Variants in TMC1 observed in about 807,000 individuals in gnomAD.
TMC1 encodes the protein transmembrane channel-like protein 1.
In TMC1, 84 loss-of-function variants were observed where a neutral mutation model predicts 105.8. The ratio of observed to expected loss-of-function variants is 0.79; its 90% CI spans 0.67 to 0.95. The LOEUF (loss-of-function observed/expected upper bound fraction) is 0.95. TMC1 is among the 40% of genes least tolerant of loss of function. TMC1 has a pLI of 0.00. For synonymous variants in TMC1, 315 were observed against 311.5 expected (o/e 1.01, Z -0.12); for missense variants, 817 against 914.1 (o/e 0.89, Z 1.37).
At chr9:72,656,195 C>T in intron 5 of TMC1, 1 of 543,908 alleles carries the variant, frequency 1.8e-6, no homozygotes, top group Non-Finnish European at 3.5e-6. Context: ...AAAGCCATCA[C>T]TGCTGCGCGG....
chr9:72,526,865 CTCT>C (rs1189726524), intron 1 of TMC1, among the ~76,000 whole-genome samples: 1 of 152,240 alleles, frequency 6.6e-6, no homozygotes, highest in African/African-American at 2.4e-5. Flanking sequence ...CCATGAGGAA[CTCT>C]TCCTTCCAGA....
At chr9:72,770,023 A>G (rs1297996036) in intron 12 of TMC1, among the ~76,000 whole-genome samples, 1 of 152,190 alleles carries the variant, frequency 6.6e-6, no homozygotes, top group African/African-American at 2.4e-5. Context: ...TTAACTAGAT[A>G]AATGTGAAAC....
intron 4 of TMC1, among the ~76,000 whole-genome samples, chr9:72,630,610 T>A (rs1825433436): frequency 6.6e-6 from 1 of 152,214 alleles, no homozygotes; most frequent in South Asian, 2.1e-4. Context: ...ACATTCCAGA[T>A]GCATTTAATA....
chr9:72,587,228 G>A (rs867889675), intron 2 of TMC1, among the ~76,000 whole-genome samples: 59 of 151,144 alleles, frequency 3.9e-4, no homozygotes, highest in African/African-American at 1.4e-3. Flanking sequence ...GCTTGATCTC[G>A]ACTCACTGCA....
At chr9:72,801,881 T>A (rs1273147931) in intron 17 of TMC1, among the ~76,000 whole-genome samples, 1 of 152,226 alleles carries the variant, frequency 6.6e-6, no homozygotes, top group African/African-American at 2.4e-5. Context: ...TGTTTGAATC[T>A]TCTTCAGATA....
rs140065699 is a variant in TMC1 at position 72,658,824 on chromosome 9, G to A, written c.16+10160G>A. On this transcript the variant is annotated intron_variant, in intron 5 of 23. Transcript: ENST00000297784. ...TGCTGGGGTGTTACAAAAGGCCTTCGGGAAAATACGTAATCTAAGTCAATA... is the reference window on the plus strand; with the variant it reads ...TGCTGGGGTGTTACAAAAGGCCTTCAGGAAAATACGTAATCTAAGTCAATA... Among the ~76,000 whole-genome samples the A allele has an allele frequency of 3.8e-4, 58 of 152,280 alleles. No homozygotes were observed. The East Asian group carries it at 4.3e-3, about 11-fold the overall frequency.
intron 18 of TMC1, among the ~76,000 whole-genome samples, chr9:72,814,122 T>C (rs1281685661): frequency 6.6e-6 from 1 of 152,142 alleles, no homozygotes; most frequent in Non-Finnish European, 1.5e-5. Context: ...TTCTCCACGT[T>C]CAGTAGTTTG....
intron 2 of TMC1, among the ~76,000 whole-genome samples, chr9:72,606,888 G>T (rs561310684): frequency 6.6e-6 from 1 of 151,950 alleles, no homozygotes; most frequent in African/African-American, 2.4e-5. Context: ...TATGTCAAAT[G>T]GGAGAAACAA....
At chr9:72,715,723 G>A (rs1826905690) in intron 8 of TMC1, among the ~76,000 whole-genome samples, 1 of 141,816 alleles carries the variant, frequency 7.1e-6, no homozygotes, top group East Asian at 2.4e-4. Context: ...TTAGCTCGGA[G>A]GAGTTTGTTA....
At chr9:72,817,482 C>T (rs1442139935) in intron 19 of TMC1, among the ~76,000 whole-genome samples, 1 of 152,086 alleles carries the variant, frequency 6.6e-6, no homozygotes, top group Non-Finnish European at 1.5e-5. Context: ...CTTTCATTTC[C>T]TGGAGTTCAA....
chr9:72,615,746 C>G (rs1379085638), intron 2 of TMC1, among the ~76,000 whole-genome samples: 2 of 148,422 alleles, frequency 1.3e-5, no homozygotes, highest in African/African-American at 5.1e-5. Context: ...GCTTTGACAC[C>G]TTTCTTATTT....
intron 1 of TMC1, among the ~76,000 whole-genome samples, chr9:72,564,357 A>C (rs959059185): frequency 6.6e-6 from 1 of 152,190 alleles, no homozygotes; most frequent in Non-Finnish European, 1.5e-5. Flanking sequence ...CTTTTGCCTT[A>C]TTCATCTAAT....
chr9:72,625,405 G>A lies in TMC1; in HGVS notation c.-195-2516G>A, dbSNP rs560083242. ...TGGGGGAAGGTTTAAGGAATCAGGG[G>A]TGGCCAGGCACGGTGGCTCACGCCT... On this transcript the variant is annotated intron_variant, in intron 3 of 23. Coordinates refer to ENST00000297784, the MANE Select transcript of TMC1 (RefSeq NM_138691.3). Among the ~76,000 whole-genome samples, 5 of 152,134 alleles carry A rather than the reference G, an allele frequency of 3.3e-5. No individual in the cohort carries two copies. The East Asian group carries it at 7.7e-4, about 24-fold the overall frequency.
chr9:72,628,570 A>G (rs1488795736), intron 4 of TMC1, among the ~76,000 whole-genome samples: 3 of 152,236 alleles, frequency 2.0e-5, no homozygotes, highest in South Asian at 2.1e-4. Flanking sequence ...GGCAGATTTC[A>G]TATGCTTCTT....
At chr9:72,757,132 A>C (rs1827687333) in intron 12 of TMC1, among the ~76,000 whole-genome samples, 1 of 152,196 alleles carries the variant, frequency 6.6e-6, no homozygotes, top group Admixed American at 6.5e-5. Context: ...AATATAAGAA[A>C]GCCATTACAC....
At chr9:72,555,630 T>A (rs1054087100) in intron 1 of TMC1, among the ~76,000 whole-genome samples, 2 of 150,648 alleles carry the variant, frequency 1.3e-5, no homozygotes, top group African/African-American at 2.4e-5. Context: ...GACTTAACTC[T>A]TTTTTTTTGA....
intron 1 of TMC1, among the ~76,000 whole-genome samples, chr9:72,561,082 G>A (rs1338768450): frequency 6.6e-6 from 1 of 151,900 alleles, no homozygotes; most frequent in African/African-American, 2.4e-5. Context: ...GGGAGGCTGA[G>A]GTGGGCAGAT....
At chr9:72,816,062 A>G (rs1009336844) in intron 18 of TMC1, 81 bp from the exon 19 acceptor site, 2 of 1,222,942 alleles carry the variant, frequency 1.6e-6, no homozygotes, top group Non-Finnish European at 2.4e-6. Flanking sequence ...TTGAAACCCT[A>G]GCCATGCCTA....
intron 1 of TMC1, among the ~76,000 whole-genome samples, chr9:72,532,672 T>G (rs185947710): frequency 9.5e-4 from 144 of 151,056 alleles, no homozygotes; most frequent in Admixed American, 9.1e-3. Flanking sequence ...AGACATATTC[T>G]CAGATGCTAT....
Sources: gnomAD v4.1 joint callset for allele counts (sites outside exome capture counted in the v4.1 genomes callset) on GRCh38, gnomAD v4.1.1 for gene constraint, MANE v1.5 for transcripts, NCBI Gene and HGNC (gene_info 2026-07-23, HGNC 2026-07-21) for gene names.